Variants in IRAG1 observed in about 807,000 individuals in gnomAD.
The protein encoded by IRAG1 is IP3R-associated cGMP kinase substrate.
Under a neutral mutation model 106.2 loss-of-function variants are expected in IRAG1, and 62 were observed. The observed-to-expected ratio is 0.58, with a 90% CI of 0.48 to 0.72. The LOEUF (loss-of-function observed/expected upper bound fraction) is 0.72. Among genes scored for constraint, IRAG1 ranks in the 30% least tolerant of loss-of-function variants. The pLI, the probability that IRAG1 is intolerant of heterozygous loss-of-function variation, is 0.00. For synonymous variants in IRAG1, 462 were observed against 443.9 expected, an observed-to-expected ratio of 1.04 and a Z score of -0.51; for missense variants, 1,064 against 1,140.7, an observed-to-expected ratio of 0.93 and a Z score of 0.97.
At chr11:10,619,695 C>T (rs1489696137) in intron 10 of IRAG1, among the ~76,000 whole-genome samples, 1 of 152,184 alleles carries the variant, frequency 6.6e-6, no homozygotes, top group Non-Finnish European at 1.5e-5. Context: ...GCAAACATTA[C>T]AGCAGCTTAG....
chr11:10,683,889 A>T (rs1235393536), intron 1 of IRAG1, among the ~76,000 whole-genome samples: 4 of 12,076 alleles, frequency 3.3e-4, no homozygotes, highest in African/African-American at 1.1e-3. Flanking sequence ...GACACTTTAA[A>T]AAAAAAAAAA....
rs75590769 is a variant in IRAG1, at chr11:10,643,930, T to C, written c.225+8095A>G. 6.8e-3 allele frequency among the ~76,000 whole-genome samples: 1,041 copies of C among 152,374 alleles called. 5 individuals carry two copies. Among genetic ancestry groups the C allele is most frequent in the African/African-American group, 0.024 (987 of 41,592 alleles). Reference sequence around the variant, plus strand: ...GAACTAAGGGAAAACAATTTTTATATGCATTTCCGACTGTCTGTAACCGTC... The same window carrying C: ...GAACTAAGGGAAAACAATTTTTATACGCATTTCCGACTGTCTGTAACCGTC... On this transcript the variant is annotated intron_variant, in intron 2 of 20. Coordinates refer to ENST00000423302, the MANE Select transcript of IRAG1 (RefSeq NM_130385.4).
intron 1 of IRAG1, among the ~76,000 whole-genome samples, chr11:10,660,798 T>A (rs1859334904): frequency 6.6e-6 from 1 of 152,180 alleles, no homozygotes; most frequent in South Asian, 2.1e-4. Context: ...GCACTCAAGC[T>A]ACAAACCTAG....
chr11:10,680,501 G>A (rs1367005508), intron 1 of IRAG1, among the ~76,000 whole-genome samples: 1 of 130,012 alleles, frequency 7.7e-6, no homozygotes, highest in Non-Finnish European at 1.6e-5. Context: ...GAGAAAGAGA[G>A]AGAAAGGGAA....
In IRAG1 at chr11:10,576,304, G is replaced by T; in HGVS notation, c.*28C>A. 6.2e-7 allele frequency: 1 copy of T among 1,612,058 alleles called. No individual in the cohort carries two copies. On this transcript the variant is annotated 3_prime_UTR_variant, in exon 21 of 21. Transcript: ENST00000423302. ...AGGGTGGTAGTCTGAGTGTCTCAGA[G>T]CAGGGCACTGGCTAGGTGTGAGGTT...
intron 18 of IRAG1, among the ~76,000 whole-genome samples, chr11:10,587,673 C>T (rs1040892036): frequency 1.3e-5 from 2 of 152,200 alleles, no homozygotes; most frequent in Non-Finnish European, 2.9e-5. Flanking sequence ...TAACCCTGTG[C>T]ATCATCTACA....
Position 10,693,576 on chromosome 11 carries a change from C to T in IRAG1, c.27G>A (p.Glu9=). The part of the protein sequence containing the change: MVKAPQSE[E]RLARGGKENN... The stretch of plus-strand genomic sequence containing the variant: ...TCTCCTTTCCTCCTCTGGCCAGCCT[C>T]TCTTCACTCTGGGGAGCTTTTACCA... The change falls in exon 1 of 21, where the codon GAG becomes GAA. Residue 9 remains glutamate, a synonymous_variant. Coordinates refer to ENST00000423302, the MANE Select transcript of IRAG1 (RefSeq NM_130385.4). 5 of 1,535,550 alleles carry T rather than the reference C, an allele frequency of 3.3e-6. No individual in the cohort carries two copies. The Middle Eastern group carries it at 8.5e-4, about 262-fold the overall frequency.
rs1040260794 is a variant in IRAG1 at position 10,647,015 on chromosome 11, C to G, written c.225+5010G>C. Among the ~76,000 whole-genome samples, 1 of 152,164 alleles carries G rather than the reference C, an allele frequency of 6.6e-6. No individual in the cohort carries two copies. The highest frequency in any genetic ancestry group is 2.4e-5 in the African/African-American group (1 of 41,460). ...TGACATGCAGCTTTGGTTGCTGGCCCCACGAGCTTGTGCTCCTGAGGGGCT... is the reference window on the plus strand; with the variant it reads ...TGACATGCAGCTTTGGTTGCTGGCCGCACGAGCTTGTGCTCCTGAGGGGCT... On this transcript the variant is annotated intron_variant, in intron 2 of 20. Transcript: ENST00000423302. The surrounding 1 kb of genome is among the most constrained non-coding windows in gnomAD (Gnocchi z 4.3).
intron 1 of IRAG1, among the ~76,000 whole-genome samples, chr11:10,692,173 C>T (rs1455981961): frequency 6.8e-6 from 1 of 148,034 alleles, no homozygotes; most frequent in Non-Finnish European, 1.5e-5. Context: ...TGAATATAAA[C>T]AGCCACCCAC....
intron 13 of IRAG1, among the ~76,000 whole-genome samples, chr11:10,604,183 C>G (rs1854285622): frequency 6.6e-6 from 1 of 152,244 alleles, no homozygotes; most frequent in Admixed American, 6.5e-5. Context: ...TTCTGAGAAG[C>G]TCCCAAGGCT....
At chr11:10,582,945 ACT>A (rs1239119114) in intron 18 of IRAG1, among the ~76,000 whole-genome samples, 4 of 152,178 alleles carry the variant, frequency 2.6e-5, no homozygotes, top group Non-Finnish European at 5.9e-5. Flanking sequence ...ACAAAGCAAA[ACT>A]CAGTAAAAAA....
Position 10,665,138 on chromosome 11 carries a change from C to G in IRAG1, c.68-12956G>C, listed in dbSNP as rs1025426341. 4.6e-5 allele frequency among the ~76,000 whole-genome samples: 7 copies of G among 151,868 alleles called. No individual in the cohort carries two copies. Among genetic ancestry groups the G allele is most frequent in the Non-Finnish European group, 8.8e-5 (6 of 67,986 alleles). On this transcript the variant is annotated intron_variant, in intron 1 of 20. Transcript: ENST00000423302. This position sits in a 1 kb window ranked among gnomAD's most constrained non-coding sequence, Gnocchi z 4.2. ...TACTGTGCTGCTTACCTAACCCTAACCCTAACCCTAACCCTGAGAGTTTAA... is the reference window on the plus strand; with the variant it reads ...TACTGTGCTGCTTACCTAACCCTAAGCCTAACCCTAACCCTGAGAGTTTAA...
intron 2 of IRAG1, among the ~76,000 whole-genome samples, chr11:10,645,859 G>T (rs1414953800): frequency 6.6e-6 from 1 of 152,110 alleles, no homozygotes; most frequent in Admixed American, 6.5e-5. Flanking sequence ...GTTTTCCCAG[G>T]AGTATTGCGA....
chr11:10,607,432 T>C (rs1854568241), intron 11 of IRAG1, among the ~76,000 whole-genome samples: 1 of 152,204 alleles, frequency 6.6e-6, no homozygotes, highest in Admixed American at 6.5e-5. Flanking sequence ...AGGCATCCTT[T>C]TGAGCAGCTC....
intron 10 of IRAG1, among the ~76,000 whole-genome samples, chr11:10,620,979 T>TA (rs1337046532): frequency 6.6e-6 from 1 of 151,762 alleles, no homozygotes; most frequent in Non-Finnish European, 1.5e-5. Flanking sequence ...AAATAACAAG[T>TA]AAAAAAAAGA....
At chr11:10,651,922 C>T in intron 2 of IRAG1, 103 bp downstream of exon 2, 1 of 1,350,972 alleles carries the variant, frequency 7.4e-7, no homozygotes, top group Non-Finnish European at 9.8e-7. Context: ...CCTACATGAG[C>T]TGTCAGCAAA....
intron 10 of IRAG1, among the ~76,000 whole-genome samples, chr11:10,620,806 C>T (rs953332610): frequency 6.6e-5 from 10 of 152,072 alleles, no homozygotes; most frequent in African/African-American, 1.9e-4. Context: ...AGTCTGAACA[C>T]TTATCTCAAG....
At chr11:10,635,474 G>A (rs909929822) in intron 2 of IRAG1, among the ~76,000 whole-genome samples, 2 of 152,186 alleles carry the variant, frequency 1.3e-5, no homozygotes, top group African/African-American at 4.8e-5. Flanking sequence ...TCCTTCTAGA[G>A]CCCCTGCATA....
Position 10,628,667 on chromosome 11 carries a change from T to C in IRAG1, c.652+84A>G, listed in dbSNP as rs1856458247. 1 of 1,143,706 alleles carries C rather than the reference T, an allele frequency of 8.7e-7. No homozygotes were observed. Among genetic ancestry groups the C allele is most frequent in the South Asian group, 1.7e-5 (1 of 58,652 alleles). 70.8% of individuals were successfully genotyped at this position (1,143,706 alleles called of 1,614,324 possible). ...GTTCTTGAAGGGGAAGCCTGCAGGC[T>C]GGGAGGCATGCTGATCTGTCCAGGC... On this transcript the variant is annotated intron_variant, in intron 6 of 20. Coordinates refer to ENST00000423302, the MANE Select transcript of IRAG1 (RefSeq NM_130385.4). The surrounding 1 kb of genome is among the most constrained non-coding windows in gnomAD (Gnocchi z 4.1).
Sources: allele counts gnomAD v4.1 joint callset (sites outside exome capture counted in the v4.1 genomes callset), GRCh38; gene constraint gnomAD v4.1.1; non-coding constraint Gnocchi (gnomAD v3.1); transcripts MANE v1.5; gene names NCBI Gene and HGNC (gene_info 2026-07-23, HGNC 2026-07-21).